PNPLA1: variants seen among roughly 807,000 people sequenced by gnomAD.
PNPLA1 encodes the protein patatin like domain 1, omega-hydroxyceramide transacylase, also known as omega-hydroxyceramide transacylase.
A neutral mutation model predicts 51.7 loss-of-function variants in PNPLA1; 36 were observed. The ratio of observed to expected loss-of-function variants is 0.70; its 90% CI spans 0.53 to 0.92. The LOEUF (loss-of-function observed/expected upper bound fraction) is 0.92, where lower values mean the gene tolerates loss of function less well. Among genes scored for constraint, PNPLA1 ranks in the 40% least tolerant of loss-of-function variants. The pLI is 0.00. For missense variants in PNPLA1, 658 were observed against 682.5 expected (o/e 0.96, Z 0.40); for synonymous variants, 293 against 280.1 (o/e 1.05, Z -0.46).
intron 6 of PNPLA1, among the ~76,000 whole-genome samples, chr6:36,304,068 C>G (rs12201851): frequency 6.6e-6 from 1 of 151,688 alleles, no homozygotes; most frequent in Non-Finnish European, 1.5e-5. Flanking sequence ...AGGTGCAGTG[C>G]AGGAATGTGC....
At chr6:36,273,025 C>G (rs955089293) in intron 1 of PNPLA1, among the ~76,000 whole-genome samples, 1 of 151,994 alleles carries the variant, frequency 6.6e-6, no homozygotes, top group Non-Finnish European at 1.5e-5. Flanking sequence ...AAGGCTGAGA[C>G]AGGTGGATCA....
At chr6:36,279,056 AG>A (rs1476315517) in intron 1 of PNPLA1, among the ~76,000 whole-genome samples, 1 of 152,202 alleles carries the variant, frequency 6.6e-6, no homozygotes, top group Non-Finnish European at 1.5e-5. Flanking sequence ...ACGTGCACTG[AG>A]GGAAGAGAGT....
At chr6:36,303,085 T>C (rs530682877) in intron 6 of PNPLA1, among the ~76,000 whole-genome samples, 1 of 152,142 alleles carries the variant, frequency 6.6e-6, no homozygotes, top group South Asian at 2.1e-4. Flanking sequence ...TACTAGTTTG[T>C]TATAGACTAC....
chr6:36,306,422 A>C, intron 7 of PNPLA1, 46 bp downstream of exon 7: 1 of 1,533,476 alleles, frequency 6.5e-7, no homozygotes, highest in Non-Finnish European at 8.9e-7. Context: ...TGGACGGAAG[A>C]AGCAAGCCCG....
chr6:36,255,476 G>A lies in PNPLA1; in HGVS notation c.-81+12215G>A, dbSNP rs1769510888. Among the ~76,000 whole-genome samples, 3 of 152,206 alleles carry A rather than the reference G, an allele frequency of 2.0e-5. No individual in the cohort carries two copies. The South Asian group carries it at 6.2e-4, about 31-fold the overall frequency. On this transcript the variant is annotated intron_variant, in intron 1 of 7. Transcript: ENST00000312917. The stretch of plus-strand genomic sequence containing the variant: ...GCCGAGATCATGCCATTGCACTCCA[G>A]CCTGGGCAACAAGAGTGAAACTCTG...
chr6:36,306,629 C>A (rs1340234900), intron 7 of PNPLA1, among the ~76,000 whole-genome samples: 1 of 152,186 alleles, frequency 6.6e-6, no homozygotes, highest in African/African-American at 2.4e-5. Flanking sequence ...ACTGGGGATG[C>A]TCCTTCTCTG....
intron 1 of PNPLA1, among the ~76,000 whole-genome samples, chr6:36,275,975 T>TCTTTCTTTCCTTCTTTC: frequency 6.6e-6 from 1 of 150,868 alleles, no homozygotes; most frequent in African/African-American, 2.5e-5. Context: ...TTTCTTTCTT[T>TCTTTCTTTCCTTCTTTC]TGAGACAGAG....
intron 7 of PNPLA1, among the ~76,000 whole-genome samples, chr6:36,306,827 T>C (rs1297077919): frequency 6.6e-6 from 1 of 152,234 alleles, no homozygotes; most frequent in Non-Finnish European, 1.5e-5. Flanking sequence ...AATGACCTGA[T>C]AGTACTAGAC....
rs143825643 is a variant in PNPLA1 at position 36,263,966 on chromosome 6, C to T, written c.-81+20705C>T. Among the ~76,000 whole-genome samples, 1,361 of 152,356 alleles carry T rather than the reference C, an allele frequency of 8.9e-3. 8 individuals are homozygous for T. Among genetic ancestry groups the T allele is most frequent in the Middle Eastern group, 0.02 (6 of 294 alleles). The stretch of plus-strand genomic sequence containing the variant: ...TCCCTGCCCCTAAGCTGCTTCCCCG[C>T]TTCCCTTCCCTTTCCCACGGAAAAC... On this transcript the variant is annotated intron_variant, in intron 1 of 7. Transcript: ENST00000312917.
chr6:36,284,335 A>G (rs560455025), intron 1 of PNPLA1, among the ~76,000 whole-genome samples: 41 of 152,334 alleles, frequency 2.7e-4, no homozygotes, highest in Non-Finnish European at 1.5e-4. Flanking sequence ...TCCATTAAAG[A>G]TGTTGTTTTG....
At chr6:36,307,440 T>TA in intron 7 of PNPLA1, 147 bp from the exon 8 acceptor site, 1 of 810,874 alleles carries the variant, frequency 1.2e-6, no homozygotes, top group Non-Finnish European at 1.8e-6. Context: ...GATTATATTT[T>TA]AAAAAAAGTT....
intron 1 of PNPLA1, among the ~76,000 whole-genome samples, chr6:36,247,286 G>A (rs1049393705): frequency 6.6e-6 from 1 of 152,130 alleles, no homozygotes; most frequent in Non-Finnish European, 1.5e-5. Context: ...TAAATTCCAG[G>A]GTTAGTTATT....
intron 1 of PNPLA1, among the ~76,000 whole-genome samples, chr6:36,252,389 G>A (rs1769439107): frequency 6.6e-6 from 1 of 152,128 alleles, no homozygotes; most frequent in Non-Finnish European, 1.5e-5. Flanking sequence ...CTGCAGTAAC[G>A]CAGCAAGGAG....
At chr6:36,308,954 C>T (rs1771325375) in intron 8 of PNPLA1, among the ~76,000 whole-genome samples, 1 of 152,166 alleles carries the variant, frequency 6.6e-6, no homozygotes, top group Non-Finnish European at 1.5e-5. Flanking sequence ...ACATAGTATT[C>T]TCTGAATGGA....
intron 1 of PNPLA1, among the ~76,000 whole-genome samples, chr6:36,260,984 C>T (rs371328072): frequency 2.0e-5 from 3 of 152,144 alleles, no homozygotes; most frequent in East Asian, 1.9e-4. Flanking sequence ...CCACCACACC[C>T]GGCTAATATT....
rs771191324 is a variant in PNPLA1 at position 36,301,951 on chromosome 6, G to A, written c.866G>A (p.Cys289Tyr). 1.2e-6 allele frequency: 2 copies of A among 1,614,188 alleles called. No homozygotes were observed. The change falls in exon 6 of 9, where the codon TGC becomes TAC. Residue 289 changes from cysteine (C) to tyrosine (Y), a missense_variant. Physicochemically the swap from Cys to Tyr is radical, Grantham distance 194 (BLOSUM62 -2). Transcript: ENST00000636260. Reference sequence around the variant, plus strand: ...ATAGAACTCGCCCTTGGCAATGAGTGCCCTGAACGCAGTCAACCAAGCCTT... The same window carrying A: ...ATAGAACTCGCCCTTGGCAATGAGTACCCTGAACGCAGTCAACCAAGCCTT... Reference protein sequence around the residue: ...CQIELALGNECPERSQPSLRA... With the variant: ...CQIELALGNEYPERSQPSLRA...
chr6:36,290,622 G>A (rs1770645480), intron 1 of PNPLA1, among the ~76,000 whole-genome samples: 1 of 152,176 alleles, frequency 6.6e-6, no homozygotes, highest in Admixed American at 6.5e-5. Flanking sequence ...GGGACTTGGG[G>A]TGGGGAAGAT....
chr6:36,302,856 A>G (rs1781131243), intron 6 of PNPLA1, among the ~76,000 whole-genome samples: 1 of 152,158 alleles, frequency 6.6e-6, no homozygotes, highest in South Asian at 2.1e-4. Context: ...CCGCTGGGCC[A>G]GTAGATTTTT....
chr6:36,300,475 C>G (rs1771008298), intron 5 of PNPLA1, among the ~76,000 whole-genome samples: 1 of 152,044 alleles, frequency 6.6e-6, no homozygotes, highest in Admixed American at 6.6e-5. Flanking sequence ...ATTACAGAGA[C>G]TTTTCTTATT....
Sources: gnomAD v4.1 joint callset for allele counts (sites outside exome capture counted in the v4.1 genomes callset) on GRCh38, gnomAD v4.1.1 for gene constraint, MANE v1.5 for transcripts, NCBI Gene and HGNC (gene_info 2026-07-23, HGNC 2026-07-21) for gene names.